Variants in GTF2IRD2B observed in about 807,000 individuals in gnomAD.
GTF2IRD2B encodes GTF2I repeat domain containing 2B, also known as general transcription factor II-I repeat domain-containing protein 2B.
Under a neutral mutation model 55.6 loss-of-function variants are expected in GTF2IRD2B, and 10 were observed. The observed-to-expected ratio is 0.18, with a 90% CI of 0.11 to 0.31. GTF2IRD2B has a LOEUF of 0.31. Ranked by LOEUF, GTF2IRD2B falls within the 10% of genes least tolerant of loss-of-function variation. GTF2IRD2B has a pLI of 1.00. For missense variants in GTF2IRD2B, 206 were observed against 802.7 expected (o/e 0.26, Z 8.98); for synonymous variants, 107 against 320.5 (o/e 0.33, Z 7.12).
chr7:75,112,722 A>G, intron 3 of GTF2IRD2B, 187 bp downstream of exon 3: 1 of 1,293,700 alleles, frequency 7.7e-7, no homozygotes, highest in Non-Finnish European at 1.1e-6. Flanking sequence ...TGGTCATTTT[A>G]TTTTATACTA....
intron 8 of GTF2IRD2B, among the ~76,000 whole-genome samples, chr7:75,132,765 T>C (rs1808707586): frequency 6.8e-6 from 1 of 148,072 alleles, no homozygotes; most frequent in Admixed American, 6.6e-5. Context: ...GTTAGCCAGG[T>C]TGGTCTCAAA....
intron 11 of GTF2IRD2B, among the ~76,000 whole-genome samples, chr7:75,137,268 T>TAA (rs1808875648): frequency 1.3e-5 from 2 of 150,176 alleles, no homozygotes; most frequent in African/African-American, 4.9e-5. Context: ...TGTGTATATA[T>TAA]AATAGAGCAG....
At chr7:75,132,548 C>CTACTTTTT (rs1808696925) in intron 8 of GTF2IRD2B, among the ~76,000 whole-genome samples, 1 of 85,316 alleles carries the variant, frequency 1.2e-5, no homozygotes, top group Non-Finnish European at 2.2e-5. Flanking sequence ...CTCCTTCCTT[C>CTACTTTTT]TTTTTTTTTT....
chr7:75,115,271 T>G (rs1314325484), intron 3 of GTF2IRD2B, among the ~76,000 whole-genome samples: 1 of 150,502 alleles, frequency 6.6e-6, no homozygotes, highest in Non-Finnish European at 1.5e-5. Flanking sequence ...CCCTACTCTA[T>G]TCCGTAGATC....
chr7:75,111,093 CAAAA>C (rs1317548496), intron 2 of GTF2IRD2B, among the ~76,000 whole-genome samples: 2 of 90,644 alleles, frequency 2.2e-5, no homozygotes, highest in Non-Finnish European at 2.5e-5. Flanking sequence ...GGCTCCGTCT[CAAAA>C]AAAAAAAAAA....
At chr7:75,103,208 G>T (rs1281702622) in intron 1 of GTF2IRD2B, among the ~76,000 whole-genome samples, 1 of 152,032 alleles carries the variant, frequency 6.6e-6, no homozygotes, top group Non-Finnish European at 1.5e-5. Context: ...GAACCTGGGA[G>T]GTAGAGGTTG....
intron 1 of GTF2IRD2B, among the ~76,000 whole-genome samples, chr7:75,095,634 GC>G (rs1292791154): frequency 2.3e-5 from 2 of 85,108 alleles, no homozygotes; most frequent in Admixed American, 1.4e-4. Context: ...CCAGGGCCTC[GC>G]CCTGTTGAAA....
At chr7:75,118,136 G>A (rs1446549861) in intron 3 of GTF2IRD2B, among the ~76,000 whole-genome samples, 12 of 151,444 alleles carry the variant, frequency 7.9e-5, no homozygotes, top group South Asian at 2.1e-4. Context: ...AGGAGGTTTC[G>A]CAGTGAATTT....
chr7:75,105,374 C>T (rs1282489765), intron 1 of GTF2IRD2B, among the ~76,000 whole-genome samples: 4 of 152,304 alleles, frequency 2.6e-5, no homozygotes, highest in East Asian at 1.9e-4. Context: ...TGTGGTGGCT[C>T]ACGCCTGCAA....
chr7:75,115,455 G>A (rs1322451740), intron 3 of GTF2IRD2B, among the ~76,000 whole-genome samples: 1 of 144,278 alleles, frequency 6.9e-6, no homozygotes, highest in Non-Finnish European at 1.5e-5. Flanking sequence ...ACAGAATCTC[G>A]CTCTATCGCC....
At chr7:75,106,535 C>CGAGGA in intron 1 of GTF2IRD2B, among the ~76,000 whole-genome samples, 1 of 130,850 alleles carries the variant, frequency 7.6e-6, no homozygotes, top group East Asian at 2.1e-4. Context: ...TGTTCCATTT[C>CGAGGA]AAAAAGTTGT....
intron 1 of GTF2IRD2B, among the ~76,000 whole-genome samples, chr7:75,102,144 A>C (rs1317025801): frequency 6.6e-6 from 1 of 150,834 alleles, no homozygotes; most frequent in Non-Finnish European, 1.5e-5. Context: ...CTGGGACTAC[A>C]GGCGTGCGCC....
chr7:75,132,507 C>G (rs2097768), intron 8 of GTF2IRD2B, among the ~76,000 whole-genome samples: 1,772 of 135,310 alleles, frequency 0.013, 8 homozygotes, highest in African/African-American at 0.034. Flanking sequence ...CTAAGCTCTC[C>G]CGCCTTCACG....
At chr7:75,140,527 CTTTTTTTTT>C (rs1171281832) in intron 12 of GTF2IRD2B, among the ~76,000 whole-genome samples, 16 of 86,184 alleles carry the variant, frequency 1.9e-4, no homozygotes, top group East Asian at 1.6e-3. Flanking sequence ...ACATCCTTGT[CTTTTTTTTT>C]TTTTTTTTTT....
At chr7:75,106,076 A>G (rs1807793452) in intron 1 of GTF2IRD2B, among the ~76,000 whole-genome samples, 1 of 152,308 alleles carries the variant, frequency 6.6e-6, no homozygotes, top group Admixed American at 6.5e-5. Flanking sequence ...TTTCCAAATA[A>G]CCGCATGTGA....
At chr7:75,101,026 T>G (rs1807535745) in intron 1 of GTF2IRD2B, among the ~76,000 whole-genome samples, 2 of 36,662 alleles carry the variant, frequency 5.5e-5, no homozygotes. Context: ...GATGAAACCC[T>G]GTGTCTACTA....
chr7:75,119,228 A>AAAAAAAAAC (rs1808283092), intron 3 of GTF2IRD2B, among the ~76,000 whole-genome samples: 1 of 115,358 alleles, frequency 8.7e-6, no homozygotes, highest in Non-Finnish European at 2.0e-5. Flanking sequence ...AAAAAAAAAA[A>AAAAAAAAAC]AAAGAATGAA....
intron 10 of GTF2IRD2B, among the ~76,000 whole-genome samples, chr7:75,136,338 A>T (rs1416380355): frequency 6.9e-6 from 1 of 145,516 alleles, no homozygotes; most frequent in Non-Finnish European, 1.5e-5. Context: ...TCACCCTGTC[A>T]CCCAGGCTGG....
At chr7:75,115,575 C>T (rs1808118809) in intron 3 of GTF2IRD2B, among the ~76,000 whole-genome samples, 1 of 129,154 alleles carries the variant, frequency 7.7e-6, no homozygotes, top group African/African-American at 2.9e-5. Context: ...AGGCACATGC[C>T]ACCATGCCCA....
Sources: allele counts gnomAD v4.1 joint callset (sites outside exome capture counted in the v4.1 genomes callset), GRCh38; gene constraint gnomAD v4.1.1; transcripts MANE v1.5; gene names NCBI Gene and HGNC (gene_info 2026-07-23, HGNC 2026-07-21).